ARID5B: variants seen among roughly 807,000 people sequenced by gnomAD.
ARID5B encodes AT-rich interaction domain 5B.
A neutral mutation model predicts 97.2 loss-of-function variants in ARID5B; 13 were observed. The observed-to-expected ratio is 0.13, with a 90% CI of 0.09 to 0.21. ARID5B has a LOEUF of 0.21. Ranked by LOEUF, ARID5B falls within the 10% of genes least tolerant of loss-of-function variation. The pLI is 1.00. For synonymous variants in ARID5B, 556 were observed against 570.3 expected (o/e 0.97, Z 0.36); for missense variants, 1,210 against 1,465.3 (o/e 0.83, Z 2.84).
intron 3 of ARID5B, among the ~76,000 whole-genome samples, chr10:61,942,998 A>C (rs577830300): frequency 6.6e-6 from 1 of 152,278 alleles, no homozygotes; most frequent in South Asian, 2.1e-4. Context: ...ATACCCCTTT[A>C]AGGATAGAAT....
intron 2 of ARID5B, 102 bp downstream of exon 2, chr10:61,902,515 CA>C: frequency 6.8e-7 from 1 of 1,466,196 alleles, no homozygotes; most frequent in Non-Finnish European, 9.2e-7. Context: ...CTTCTGCAGG[CA>C]AGCAGGATCG....
intron 3 of ARID5B, among the ~76,000 whole-genome samples, chr10:61,947,677 G>T (rs557649779): frequency 6.6e-6 from 1 of 152,300 alleles, no homozygotes; most frequent in South Asian, 2.1e-4. Context: ...TAATTAAATA[G>T]TTGAATATTG....
At chr10:62,072,306 G>T (rs968635443) in intron 8 of ARID5B, among the ~76,000 whole-genome samples, 1 of 152,218 alleles carries the variant, frequency 6.6e-6, no homozygotes, top group African/African-American at 2.4e-5. Flanking sequence ...ACCCACTGCT[G>T]CTGTTAATGC....
rs1164342402 is a variant in ARID5B at position 61,983,867 on chromosome 10, C to CTTTTTTTTTTTTTTTT, written c.503-16208_503-16193dup. On this transcript the variant is annotated intron_variant, in intron 3 of 9. Transcript: ENST00000279873. ...TATATTTTTTAAACCCCCTTTTGTT[C>CTTTTTTTTTTTTTTTT]TTTTTTTTTTTTTTTTTTTTTTTTT... is the stretch of plus-strand genomic sequence containing the variant. 6.2e-4 allele frequency among the ~76,000 whole-genome samples: 17 copies of CTTTTTTTTTTTTTTTT among 27,590 alleles called. 6 individuals carry two copies. Among genetic ancestry groups the CTTTTTTTTTTTTTTTT allele is most frequent in the African/African-American group, 1.9e-3 (12 of 6,322 alleles). The allele number at this position is 27,590 out of a possible 152,430, so 18.1% of individuals were successfully genotyped here.
At chr10:61,947,467 C>T (rs1564610246) in intron 3 of ARID5B, among the ~76,000 whole-genome samples, 1 of 151,894 alleles carries the variant, frequency 6.6e-6, no homozygotes, top group Non-Finnish European at 1.5e-5. Context: ...GACGGGGTTT[C>T]ACGATGTTGG....
rs1381490154 is a variant in ARID5B, at chr10:62,064,563, GT to G, written c.1102-5136del. Among the ~76,000 whole-genome samples, 11 of 152,310 alleles carry G rather than the reference GT, an allele frequency of 7.2e-5. No individual in the cohort carries two copies. The Middle Eastern group carries it at 0.014, about 188-fold the overall frequency. On this transcript the variant is annotated intron_variant, in intron 7 of 9. Coordinates refer to ENST00000279873, the MANE Select transcript of ARID5B (RefSeq NM_032199.3). Reference sequence around the variant, plus strand: ...AGAGAAATCAAGGCTCCAAGAGCATGTCTTGAGCTAAAATAGTGATTTTCCA... The same window carrying G: ...AGAGAAATCAAGGCTCCAAGAGCATGCTTGAGCTAAAATAGTGATTTTCCA...
intron 2 of ARID5B, among the ~76,000 whole-genome samples, chr10:61,931,744 A>G (rs1844213761): frequency 1.3e-5 from 2 of 152,230 alleles, no homozygotes; most frequent in South Asian, 2.1e-4. Flanking sequence ...GTTTGACATC[A>G]TTAGTCATTA....
In ARID5B at chr10:62,095,170, G is replaced by C. The variant is rs893035681; in HGVS notation, c.*2140G>C. On this transcript the variant is annotated 3_prime_UTR_variant, in exon 10 of 10. Transcript: ENST00000279873. ...GAATTTAGATTATAAATGTGTGAGT[G>C]CAGATTATCCTGCTATTGCACAAGC... is the stretch of plus-strand genomic sequence containing the variant. The C allele has an allele frequency of 4.3e-6, 1 of 232,744 alleles. No homozygotes were observed. The highest frequency in any genetic ancestry group is 2.2e-5 in the African/African-American group (1 of 45,370). The allele number at this position is 232,744 out of a possible 1,614,324, so 14.4% of individuals were successfully genotyped here.
At chr10:62,079,402 T>C (rs1840180221) in intron 8 of ARID5B, among the ~76,000 whole-genome samples, 1 of 152,224 alleles carries the variant, frequency 6.6e-6, no homozygotes, top group Non-Finnish European at 1.5e-5. Flanking sequence ...TTTCTTTCTG[T>C]AATGGTTGAA....
At chr10:62,030,054 G>A (rs1344696046) in intron 4 of ARID5B, among the ~76,000 whole-genome samples, 4 of 152,160 alleles carry the variant, frequency 2.6e-5, no homozygotes, top group Admixed American at 2.6e-4. Context: ...CGAGCCACAA[G>A]CTGTCCTGCC....
chr10:61,946,298 A>C (rs1844498109), intron 3 of ARID5B, among the ~76,000 whole-genome samples: 1 of 152,074 alleles, frequency 6.6e-6, no homozygotes, highest in Admixed American at 6.6e-5. Flanking sequence ...GGACATGGGA[A>C]GGATTCTCAC....
At chr10:62,034,526 T>G (rs1373366931) in intron 4 of ARID5B, among the ~76,000 whole-genome samples, 2 of 152,256 alleles carry the variant, frequency 1.3e-5, no homozygotes, top group Admixed American at 6.5e-5. Context: ...AAGTGATATA[T>G]GTAATTTTGT....
intron 2 of ARID5B, among the ~76,000 whole-genome samples, chr10:61,910,761 T>C (rs1323054500): frequency 6.6e-6 from 1 of 152,222 alleles, no homozygotes; most frequent in African/African-American, 2.4e-5. Context: ...TAATTCTGCT[T>C]TTAAAATCAG....
At chr10:62,007,034 C>T (rs1255977708) in intron 4 of ARID5B, among the ~76,000 whole-genome samples, 2 of 152,162 alleles carry the variant, frequency 1.3e-5, no homozygotes, top group East Asian at 3.8e-4. Flanking sequence ...GCAACATCAA[C>T]ATATTTCTCT....
intron 2 of ARID5B, among the ~76,000 whole-genome samples, chr10:61,935,746 A>G (rs978840164): frequency 6.6e-6 from 1 of 152,252 alleles, no homozygotes; most frequent in Non-Finnish European, 1.5e-5. Flanking sequence ...AAAATAAAAT[A>G]GCAATATAAA....
chr10:61,924,120 A>G (rs1193578502), intron 2 of ARID5B, among the ~76,000 whole-genome samples: 1 of 152,224 alleles, frequency 6.6e-6, no homozygotes, highest in Non-Finnish European at 1.5e-5. Flanking sequence ...CAGGGCATGG[A>G]AAGCTGCACA....
chr10:62,075,558 CGGA>C (rs1840119273), intron 8 of ARID5B, among the ~76,000 whole-genome samples: 1 of 152,228 alleles, frequency 6.6e-6, no homozygotes, highest in Non-Finnish European at 1.5e-5. Context: ...GCCTTGCCTT[CGGA>C]GGACGACTCG....
At position 62,095,639 on chromosome 10, in the gene ARID5B, G is replaced by A; in HGVS notation, c.*2609G>A. The A allele has an allele frequency of 4.3e-6, 1 of 233,416 alleles. No individual in the cohort carries two copies. Among genetic ancestry groups the A allele is most frequent in the Non-Finnish European group, 8.5e-6 (1 of 117,848 alleles). 14.5% of individuals were successfully genotyped at this position (233,416 alleles called of 1,614,324 possible). On this transcript the variant is annotated 3_prime_UTR_variant, in exon 10 of 10. Transcript: ENST00000279873. The stretch of plus-strand genomic sequence containing the variant: ...GAAATGGGGGTACGCATTCCCAACA[G>A]AAGCAGTGTGTTATTTGTTTTAAAA...
At chr10:61,902,087 ATG>A in intron 1 of ARID5B, 70 bp from the exon 2 acceptor site, 1 of 1,571,408 alleles carries the variant, frequency 6.4e-7, no homozygotes, top group Non-Finnish European at 8.7e-7. Flanking sequence ...CTGTGTGTAA[ATG>A]TGTCTGGGAA....
Sources: gnomAD v4.1 joint callset for allele counts (sites outside exome capture counted in the v4.1 genomes callset) on GRCh38, gnomAD v4.1.1 for gene constraint, MANE v1.5 for transcripts, NCBI Gene and HGNC (gene_info 2026-07-23, HGNC 2026-07-21) for gene names.